The following PIK3CD variants were observed in gnomAD, a reference collection of about 807,000 sequenced individuals.
PIK3CD encodes the protein phosphatidylinositol-4,5-bisphosphate 3-kinase catalytic subunit delta, also known as phosphatidylinositol 4,5-bisphosphate 3-kinase catalytic subunit delta isoform.
In PIK3CD, 20 loss-of-function variants were observed where a neutral mutation model predicts 122.9. The observed-to-expected ratio is 0.16, with a 90% CI of 0.11 to 0.24. The LOEUF (loss-of-function observed/expected upper bound fraction) is 0.24. Ranked by LOEUF, PIK3CD falls within the 10% of genes least tolerant of loss-of-function variation. PIK3CD has a pLI of 1.00. For missense variants in PIK3CD, 787 were observed against 1,406.3 expected (o/e 0.56, Z 7.04); for synonymous variants, 596 against 593.4 (o/e 1.00, Z -0.06).
intron 1 of PIK3CD, among the ~76,000 whole-genome samples, chr1:9,675,341 G>A (rs1346352252): frequency 7.2e-6 from 1 of 139,380 alleles, no homozygotes; most frequent in African/African-American, 2.8e-5. Flanking sequence ...AGCCGAGATT[G>A]CGCCACTGCA....
the PIK3CD span, among the ~76,000 whole-genome samples, chr1:9,638,295 T>C: frequency 2.0e-5 from 3 of 152,032 alleles, no homozygotes; most frequent in Non-Finnish European, 2.9e-5. Context: ...CCATCACCTG[T>C]TCTGCTGAGG....
At chr1:9,702,576 A>G (rs542014881) in intron 2 of PIK3CD, among the ~76,000 whole-genome samples, 1 of 117,682 alleles carries the variant, frequency 8.5e-6, no homozygotes, top group African/African-American at 3.3e-5. Context: ...GCTGGAGTGC[A>G]GTGGCGCCAT....
intron 2 of PIK3CD, among the ~76,000 whole-genome samples, chr1:9,694,036 G>A (rs1646307527): frequency 6.6e-6 from 1 of 152,122 alleles, no homozygotes; most frequent in African/African-American, 2.4e-5. Context: ...CCCAGCCCAG[G>A]GCAGCAGAGG....
chr1:9,695,684 A>T (rs1017112793), intron 2 of PIK3CD, among the ~76,000 whole-genome samples: 1 of 152,024 alleles, frequency 6.6e-6, no homozygotes, highest in Admixed American at 6.6e-5. Context: ...TCTACTAAAA[A>T]TACAAAAATT....
chr1:9,655,977 G>A (rs1017527531), intron 1 of PIK3CD, among the ~76,000 whole-genome samples: 15 of 152,186 alleles, frequency 9.9e-5, no homozygotes, highest in African/African-American at 3.6e-4. Context: ...GATTAAAGGC[G>A]TGAGCCACCA....
At chr1:9,705,206 C>T (rs1370854530) in intron 2 of PIK3CD, among the ~76,000 whole-genome samples, 2 of 151,538 alleles carry the variant, frequency 1.3e-5, no homozygotes, top group African/African-American at 4.9e-5. Context: ...CATGATGGCT[C>T]ATGCTTGTAA....
chr1:9,640,533 T>C, the PIK3CD span, among the ~76,000 whole-genome samples: 18 of 151,806 alleles, frequency 1.2e-4, no homozygotes, highest in African/African-American at 4.4e-4. Context: ...GAGCCGAGAC[T>C]GTGCCATTGT....
In PIK3CD at chr1:9,718,603, G is replaced by A; in HGVS notation, c.1021-91G>A. The A allele has an allele frequency of 8.4e-7, 1 of 1,187,926 alleles. No individual in the cohort carries two copies. Among genetic ancestry groups the A allele is most frequent in the Non-Finnish European group, 1.2e-6 (1 of 816,264 alleles). The allele number at this position is 1,187,926 out of a possible 1,614,324, so 73.6% of individuals were successfully genotyped here. ...GGAAGTAGAGTTCAGACCCACCTGA[G>A]GACATTCAAGGGGGAGACTGACACC... On this transcript the variant is annotated intron_variant, in intron 8 of 23. Coordinates refer to ENST00000377346, the MANE Select transcript of PIK3CD (RefSeq NM_005026.5). The surrounding 1 kb of genome is among the most constrained non-coding windows in gnomAD (Gnocchi z 7.2).
intron 6 of PIK3CD, 121 bp downstream of exon 6, chr1:9,716,740 C>G: frequency 8.3e-7 from 1 of 1,203,092 alleles, no homozygotes. Flanking sequence ...CTTTGGGTCA[C>G]CGCCAGAGCA....
At chr1:9,696,443 A>T (rs1291370267) in intron 2 of PIK3CD, among the ~76,000 whole-genome samples, 1 of 151,092 alleles carries the variant, frequency 6.6e-6, no homozygotes, top group African/African-American at 2.4e-5. Context: ...TAATAATAAA[A>T]TTTAAAAATA....
chr1:9,663,174 T>G (rs564051097), intron 1 of PIK3CD, among the ~76,000 whole-genome samples: 33 of 152,236 alleles, frequency 2.2e-4, no homozygotes, highest in African/African-American at 7.9e-4. Context: ...TTCCACTGGG[T>G]AAGCAAAGCC....
the PIK3CD span, among the ~76,000 whole-genome samples, chr1:9,629,152 G>A: frequency 1.3e-5 from 2 of 152,124 alleles, no homozygotes; most frequent in Non-Finnish European, 2.9e-5. Context: ...TGTGAGTTGC[G>A]GCCCCGGGAG....
At chr1:9,697,421 C>T (rs540061313) in intron 2 of PIK3CD, among the ~76,000 whole-genome samples, 5 of 151,606 alleles carry the variant, frequency 3.3e-5, no homozygotes, top group African/African-American at 1.2e-4. Context: ...TGGCCAGGCA[C>T]GGTGGCTCAT....
At chr1:9,628,266 C>T in the PIK3CD span, among the ~76,000 whole-genome samples, 5 of 152,192 alleles carry the variant, frequency 3.3e-5, no homozygotes, top group African/African-American at 4.8e-5. Flanking sequence ...TGTGCCACTG[C>T]GCTCCAGCCT....
At chr1:9,650,356 A>C (rs770189325), upstream of PIK3CD, among the ~76,000 whole-genome samples, 3 of 152,226 alleles carry the variant, frequency 2.0e-5, no homozygotes, top group Non-Finnish European at 2.9e-5. Context: ...CAGGAGGCTG[A>C]GGCTGTGGTG....
At chr1:9,712,866 T>C (rs1351933574) in intron 3 of PIK3CD, among the ~76,000 whole-genome samples, 2 of 151,328 alleles carry the variant, frequency 1.3e-5, no homozygotes, top group African/African-American at 4.9e-5. Flanking sequence ...CAAAACCCTG[T>C]CTCTACAGAA....
chr1:9,649,897 G>A (rs925907693), upstream of PIK3CD, among the ~76,000 whole-genome samples: 5 of 152,290 alleles, frequency 3.3e-5, no homozygotes, highest in Middle Eastern at 3.4e-3. Flanking sequence ...CTGTCTCCCC[G>A]AGCCTCTCAG....
intron 1 of PIK3CD, among the ~76,000 whole-genome samples, chr1:9,668,900 T>G (rs1253631201): frequency 1.3e-5 from 2 of 152,108 alleles, no homozygotes; most frequent in Non-Finnish European, 2.9e-5. Context: ...GACGGGGCTG[T>G]GTCTCCAGGA....
In PIK3CD at chr1:9,723,852, C is replaced by T; in HGVS notation, c.2595-117C>T. 1 of 904,318 alleles carries T rather than the reference C, an allele frequency of 1.1e-6. No individual in the cohort carries two copies. The highest frequency in any genetic ancestry group is 1.8e-6 in the Non-Finnish European group (1 of 555,476). 56.0% of individuals were successfully genotyped at this position (904,318 alleles called of 1,614,324 possible). ...TGTCCAGCATTGTGTCCTCCATGTT[C>T]TGTTGGTCAAAGCAAGTCACAGGGC... is the stretch of plus-strand genomic sequence containing the variant. On this transcript the variant is annotated intron_variant, in intron 20 of 23. Transcript: ENST00000377346. The surrounding 1 kb of genome is among the most constrained non-coding windows in gnomAD (Gnocchi z 4.9).
Sources: gnomAD v4.1 joint callset for allele counts (sites outside exome capture counted in the v4.1 genomes callset) on GRCh38, gnomAD v4.1.1 for gene constraint, Gnocchi (gnomAD v3.1) non-coding constraint, MANE v1.5 for transcripts, NCBI Gene and HGNC (gene_info 2026-07-23, HGNC 2026-07-21) for gene names.